ABCA8: variants seen among roughly 807,000 people sequenced by gnomAD.
ABCA8 encodes ATP binding cassette subfamily A member 8.
ABCA8 carries 177 observed loss-of-function variants against 192.3 expected under a neutral mutation model. The observed-to-expected ratio is 0.92, with a 90% confidence interval of 0.81 to 1.04. The LOEUF is 1.04. Among genes scored for constraint, ABCA8 ranks in the 50% least tolerant of loss-of-function variants. The pLI is 0.00. For missense variants in ABCA8, 1,915 were observed against 1,904.8 expected, an observed-to-expected ratio of 1.01 and a Z score of -0.10; for synonymous variants, 642 against 690.2, an observed-to-expected ratio of 0.93 and a Z score of 1.09.
At chr17:68,908,528 T>C (rs1474475423) in intron 17 of ABCA8, among the ~76,000 whole-genome samples, 1 of 152,166 alleles carries the variant, frequency 6.6e-6, no homozygotes, top group Non-Finnish European at 1.5e-5. Flanking sequence ...AAAATAATTA[T>C]CAATAGTAGT....
intron 17 of ABCA8, among the ~76,000 whole-genome samples, chr17:68,908,220 A>G (rs2067137863): frequency 6.6e-6 from 1 of 152,182 alleles, no homozygotes; most frequent in African/African-American, 2.4e-5. Flanking sequence ...AGTACAGCAA[A>G]GGTCAGGACT....
intron 19 of ABCA8, among the ~76,000 whole-genome samples, chr17:68,904,290 GAAA>G (rs1187974724): frequency 6.6e-5 from 4 of 60,514 alleles, no homozygotes; most frequent in Non-Finnish European, 9.0e-5. Flanking sequence ...TCAAAAAAAA[GAAA>G]TAATAATAAT....
At chr17:68,897,085 A>G (rs1382377834) in intron 21 of ABCA8, among the ~76,000 whole-genome samples, 1 of 152,192 alleles carries the variant, frequency 6.6e-6, no homozygotes, top group African/African-American at 2.4e-5. Context: ...ATGAGAGGGA[A>G]TTACTGTAAT....
Position 68,916,198 on chromosome 17 carries a change from A to G in ABCA8, c.2138+1163T>C, listed in dbSNP as rs999546049. Among the ~76,000 whole-genome samples, 7 of 152,064 alleles carry G rather than the reference A, an allele frequency of 4.6e-5. 1 individual carries two copies. The highest frequency in any genetic ancestry group is 3.3e-4 in the Admixed American group (5 of 15,256). ...TACTGTTAGTAGAATGAGATCTAGTATTTGATAGCACATTCTTCACAGATT... is the reference window on the plus strand; with the variant it reads ...TACTGTTAGTAGAATGAGATCTAGTGTTTGATAGCACATTCTTCACAGATT... On this transcript the variant is annotated intron_variant, in intron 17 of 39. Coordinates refer to ENST00000586539, the MANE Select transcript of ABCA8 (RefSeq NM_001288985.2).
At chr17:68,934,734 A>C (rs183180214) in intron 5 of ABCA8, among the ~76,000 whole-genome samples, 1 of 152,354 alleles carries the variant, frequency 6.6e-6, no homozygotes, top group East Asian at 1.9e-4. Context: ...ACTTTAAGAT[A>C]AAATTTCTCA....
At chr17:68,877,358 T>C in intron 33 of ABCA8, 161 bp downstream of exon 33, 1 of 608,968 alleles carries the variant, frequency 1.6e-6, no homozygotes, top group East Asian at 2.9e-5. Context: ...AGAAACTTAA[T>C]ACTTTGATAT....
chr17:68,917,564 G>A, intron 16 of ABCA8, 113 bp from the exon 17 acceptor site: 11 of 690,914 alleles, frequency 1.6e-5, no homozygotes, highest in Non-Finnish European at 2.7e-5. Context: ...AGCTTCTAAG[G>A]TTTTAAATGC....
Position 68,885,418 on chromosome 17 carries a change from G to T in ABCA8, c.3430-103C>A, listed in dbSNP as rs116495020. 2,766 of 1,164,672 alleles carry T rather than the reference G, an allele frequency of 2.4e-3. 44 individuals carry two copies. The African/African-American group carries it at 0.027, about 11-fold the overall frequency. 72.1% of individuals were successfully genotyped at this position (1,164,672 alleles called of 1,614,324 possible). A position where few individuals can be genotyped will look rare whatever the true frequency, so the allele number is the denominator to read the frequency against. On this transcript the variant is annotated intron_variant, in intron 26 of 39. Transcript: ENST00000586539. ...TATTACTAATTTCAACTCCAATCTT[G>T]CAAACCAAGCTGAAATCAGTATATC... is the stretch of plus-strand genomic sequence containing the variant.
intron 30 of ABCA8, 119 bp from the exon 31 acceptor site, chr17:68,882,099 C>T (rs1001024898): frequency 7.4e-6 from 6 of 813,256 alleles, no homozygotes; most frequent in South Asian, 1.6e-5. Flanking sequence ...CAAAGAAGAC[C>T]TTCTATTTGG....
chr17:68,927,810 T>G, intron 10 of ABCA8, 106 bp downstream of exon 10: 3 of 891,124 alleles, frequency 3.4e-6, no homozygotes, highest in Non-Finnish European at 4.9e-6. Flanking sequence ...TTGCTGTTGA[T>G]ACACAAAATA....
intron 17 of ABCA8, among the ~76,000 whole-genome samples, chr17:68,915,073 G>A (rs1370969512): frequency 1.3e-5 from 2 of 152,084 alleles, no homozygotes; most frequent in Non-Finnish European, 2.9e-5. Flanking sequence ...AAGAAAACTG[G>A]ATATCCATAT....
At chr17:68,872,023 G>A (rs1292909506) in intron 37 of ABCA8, among the ~76,000 whole-genome samples, 2 of 152,056 alleles carry the variant, frequency 1.3e-5, no homozygotes, top group East Asian at 3.9e-4. Flanking sequence ...TCAGAAGAAG[G>A]CATTGCACAG....
At chr17:68,899,815 A>T (rs1393569920) in intron 21 of ABCA8, among the ~76,000 whole-genome samples, 1 of 152,138 alleles carries the variant, frequency 6.6e-6, no homozygotes, top group Non-Finnish European at 1.5e-5. Flanking sequence ...AAAATCACAA[A>T]TTTTTGGAAA....
chr17:68,945,815 G>A (rs1016349760), intron 2 of ABCA8, among the ~76,000 whole-genome samples: 14 of 152,116 alleles, frequency 9.2e-5, no homozygotes, highest in African/African-American at 3.4e-4. Flanking sequence ...GTATATGTGT[G>A]TGTGTGCGCA....
intron 10 of ABCA8, among the ~76,000 whole-genome samples, chr17:68,927,476 T>G (rs1320935163): frequency 6.6e-6 from 1 of 152,140 alleles, no homozygotes; most frequent in Admixed American, 6.5e-5. Flanking sequence ...ATGCATTGAT[T>G]AATTAAATCA....
rs1264689141 is a variant in ABCA8 at position 68,929,180 on chromosome 17, G to C, written c.994C>G (p.Leu332Val). The C allele has an allele frequency of 8.1e-6, 13 of 1,609,712 alleles. No homozygotes were observed. The South Asian group carries it at 1.4e-4, about 18-fold the overall frequency. ...AAGACAGTGAGGAGGAACACGACCA[G>C]GCCGGTGAGGAAAGATTTCTTTACC... ...ILVKKSFLTG[L>V]VVFLLTVFWG... The change falls in exon 9 of 40, where the codon CTG (leucine) becomes GTG (valine). Residue 332 changes from leucine to valine, a missense_variant. Physicochemically the swap from Leu to Val is conservative, Grantham distance 32. Transcript: ENST00000586539.
chr17:68,905,102 C>A (rs955166303), intron 19 of ABCA8, among the ~76,000 whole-genome samples: 1 of 152,222 alleles, frequency 6.6e-6, no homozygotes, highest in Admixed American at 6.5e-5. Flanking sequence ...AAAGCCCAGG[C>A]ACTTGCCAAA....
Position 68,876,719 on chromosome 17 carries a change from G to A in ABCA8, c.4200-16C>T, listed in dbSNP as rs1323850979. On this transcript the variant is annotated splice_polypyrimidine_tract_variant and intron_variant, in intron 33 of 39. Coordinates refer to ENST00000586539, the MANE Select transcript of ABCA8 (RefSeq NM_001288985.2). ...ATCCACTAACCTGAAGGAAACAGGA[G>A]AGTCGTACAGTCTTCTTGACAAGAG... 1.2e-6 allele frequency: 2 copies of A among 1,614,098 alleles called. No individual in the cohort carries two copies. The highest frequency in any genetic ancestry group is 1.3e-5 in the African/African-American group (1 of 75,052).
chr17:68,942,139 G>A, intron 2 of ABCA8, 100 bp from the exon 3 acceptor site: 1 of 816,098 alleles, frequency 1.2e-6, no homozygotes, highest in South Asian at 1.7e-5. Flanking sequence ...ATACTCCAAT[G>A]TTCCAAATGA....
Sources: allele counts gnomAD v4.1 joint callset (sites outside exome capture counted in the v4.1 genomes callset), GRCh38; gene constraint gnomAD v4.1.1; transcripts MANE v1.5; gene names NCBI Gene and HGNC (gene_info 2026-07-23, HGNC 2026-07-21).